Variants in RAD54B observed in about 807,000 individuals in gnomAD.
RAD54B encodes the protein RAD54 homolog B.
Under a neutral mutation model 95.8 loss-of-function variants are expected in RAD54B, and 78 were observed. That is an observed-to-expected ratio of 0.81 (90% CI 0.68 to 0.98). RAD54B has a LOEUF of 0.98. Ranked by LOEUF, RAD54B falls within the 50% of genes least tolerant of loss-of-function variation. The pLI, the probability that RAD54B is intolerant of heterozygous loss-of-function variation, is 0.00. For synonymous variants in RAD54B, 328 were observed against 354.9 expected, an observed-to-expected ratio of 0.92 and a Z score of 0.85; for missense variants, 957 against 1,056.6, an observed-to-expected ratio of 0.91 and a Z score of 1.31.
intron 2 of RAD54B, among the ~76,000 whole-genome samples, chr8:94,459,461 CT>C (rs1466578331): frequency 6.6e-6 from 1 of 151,804 alleles, no homozygotes; most frequent in Admixed American, 6.6e-5. Flanking sequence ...TTAAAAAGCT[CT>C]TATATTTTAG....
At chr8:94,432,444 A>G in intron 3 of RAD54B, 1 of 1,550,502 alleles carries the variant, frequency 6.4e-7, no homozygotes, top group South Asian at 1.2e-5. Flanking sequence ...AACAGAGGAA[A>G]GTGAAGGCGA....
intron 10 of RAD54B, 99 bp from the exon 11 acceptor site, chr8:94,387,258 GGCTAT>G: frequency 1.0e-6 from 1 of 1,004,824 alleles, no homozygotes; most frequent in Non-Finnish European, 1.4e-6. Flanking sequence ...GAAGATTAAC[GGCTAT>G]CTGAAAAGTC....
At chr8:94,437,680 T>TA (rs1040353342) in intron 3 of RAD54B, among the ~76,000 whole-genome samples, 1 of 152,226 alleles carries the variant, frequency 6.6e-6, no homozygotes, top group Admixed American at 6.5e-5. Flanking sequence ...TTATCATGTG[T>TA]AAAAAATCAC....
intron 8 of RAD54B, among the ~76,000 whole-genome samples, chr8:94,394,708 C>A (rs1363483051): frequency 6.6e-6 from 1 of 151,686 alleles, no homozygotes; most frequent in Non-Finnish European, 1.5e-5. Flanking sequence ...TATAATAGTG[C>A]CAAAAGAACA....
intron 8 of RAD54B, 68 bp from the exon 9 acceptor site, chr8:94,393,950 C>G (rs1811083529): frequency 4.4e-6 from 6 of 1,351,150 alleles, no homozygotes; most frequent in Admixed American, 4.9e-5. Flanking sequence ...AGGTTTATAG[C>G]AAAACCACAA....
intron 3 of RAD54B, chr8:94,431,937 C>A: frequency 4.8e-6 from 6 of 1,245,564 alleles, no homozygotes; most frequent in Non-Finnish European, 6.1e-6. Flanking sequence ...ACAATAAAAA[C>A]TATAACCATG....
intron 10 of RAD54B, 35 bp downstream of exon 10, chr8:94,391,574 T>C (rs1811021142): frequency 2.5e-6 from 4 of 1,590,156 alleles, no homozygotes; most frequent in Non-Finnish European, 3.4e-6. Context: ...AGAACCCTCA[T>C]ATCCCTGACA....
chr8:94,400,096 A>G (rs763509777), intron 7 of RAD54B, 142 bp downstream of exon 7: 10 of 684,032 alleles, frequency 1.5e-5, no homozygotes, highest in South Asian at 3.9e-5. Context: ...CATTCAGTCC[A>G]TAACAACTCA....
rs775751116 is a variant in RAD54B at position 94,380,209 on chromosome 8, T to A, written c.2183A>T (p.Asn728Ile). The A allele has an allele frequency of 8.1e-5, 130 of 1,613,292 alleles. 1 individual carries two copies. In the Admixed American group the frequency reaches 2.1e-3, roughly 26 times the overall value. The change falls in exon 12 of 15, where the codon AAC (asparagine) becomes ATC (isoleucine). Residue 728 changes from asparagine (N) to isoleucine (I), a missense_variant. By Grantham distance (149) the Asn-to-Ile change is moderately radical (BLOSUM62 -3). Coordinates refer to ENST00000336148, the MANE Select transcript of RAD54B (RefSeq NM_012415.3). ...AATTAAGTGAGATCCTCCAATGAGG[T>A]TAAGTCCTACACCACCAGCTTTTGA... ...LSSKAGGVGL[N>I]LIGGSHLILY...
intron 3 of RAD54B, among the ~76,000 whole-genome samples, chr8:94,420,667 A>C (rs1186882402): frequency 6.8e-6 from 1 of 147,240 alleles, no homozygotes; most frequent in African/African-American, 2.5e-5. Context: ...CATGTATTGC[A>C]GGAAGAAACA....
intron 10 of RAD54B, among the ~76,000 whole-genome samples, chr8:94,389,505 T>C (rs1413617434): frequency 2.0e-5 from 3 of 152,198 alleles, no homozygotes; most frequent in South Asian, 2.1e-4. Flanking sequence ...ATCTCCATCA[T>C]AGAGATTTAC....
rs1415312349 is a variant in RAD54B at position 94,467,570 on chromosome 8, A to G, written c.-16-15T>C. 5 of 1,594,958 alleles carry G rather than the reference A, an allele frequency of 3.1e-6. No homozygotes were observed. Among genetic ancestry groups the G allele is most frequent in the Non-Finnish European group, 4.3e-6 (5 of 1,174,482 alleles). Reference sequence around the variant, plus strand: ...GCAGTCGTGACCTGAAAAATACCCAAAACAGTTAACTATCCACGAATCTAA... The same window carrying G: ...GCAGTCGTGACCTGAAAAATACCCAGAACAGTTAACTATCCACGAATCTAA... On this transcript the variant is annotated splice_polypyrimidine_tract_variant and intron_variant, in intron 1 of 14. Coordinates refer to ENST00000336148, the MANE Select transcript of RAD54B (RefSeq NM_012415.3).
chr8:94,417,854 T>C (rs1253820866), intron 3 of RAD54B, among the ~76,000 whole-genome samples: 1 of 152,220 alleles, frequency 6.6e-6, no homozygotes, highest in Non-Finnish European at 1.5e-5. Flanking sequence ...CTTCAACCAG[T>C]AAATTATACT....
At chr8:94,429,606 T>C in intron 3 of RAD54B, 9 of 983,248 alleles carry the variant, frequency 9.2e-6, no homozygotes, top group Non-Finnish European at 1.1e-5. Flanking sequence ...ACTGCCAAGA[T>C]GTGTTTACTA....
intron 2 of RAD54B, among the ~76,000 whole-genome samples, chr8:94,459,198 T>G (rs767346561): frequency 5.6e-4 from 85 of 152,070 alleles, no homozygotes; most frequent in Non-Finnish European, 1.1e-3. Flanking sequence ...GTACCCAGGC[T>G]GAAGAGTGCA....
intron 3 of RAD54B, among the ~76,000 whole-genome samples, chr8:94,453,113 T>C (rs1812704518): frequency 2.0e-5 from 3 of 152,224 alleles, no homozygotes; most frequent in Admixed American, 2.0e-4. Context: ...GTATATATTA[T>C]ATAGATATTT....
chr8:94,465,793 T>C (rs1813011312), intron 2 of RAD54B, among the ~76,000 whole-genome samples: 1 of 152,214 alleles, frequency 6.6e-6, no homozygotes, highest in East Asian at 1.9e-4. Context: ...TGGATAAACA[T>C]AATGTGGTAA....
chr8:94,455,774 G>C (rs887434792), intron 3 of RAD54B, among the ~76,000 whole-genome samples: 5 of 152,196 alleles, frequency 3.3e-5, no homozygotes, highest in Non-Finnish European at 7.4e-5. Context: ...AGCAATCATG[G>C]GTGGTTATTC....
In RAD54B at chr8:94,391,619, T is replaced by G. The variant is rs113116729; in HGVS notation, c.1799A>C (p.Asn600Thr). 5.0e-6 allele frequency: 8 copies of G among 1,613,104 alleles called. No individual in the cohort carries two copies. Among genetic ancestry groups the G allele is most frequent in the East Asian group, 2.2e-5 (1 of 44,850 alleles). Residue 600 changes from asparagine (N) to threonine (T), a missense_variant, in exon 10 of 15, where the codon AAC becomes ACC. Transcript: ENST00000336148. ...ATACTATGCACTTACCTTTATAGAG[T>G]TGAACAAAAGGCAGGGGTGATTGCA... ...KLCNHPCLLFNSIKEKECSST... is the reference protein window; with the variant it reads ...KLCNHPCLLFTSIKEKECSST...
Sources: allele counts gnomAD v4.1 joint callset (sites outside exome capture counted in the v4.1 genomes callset), GRCh38; gene constraint gnomAD v4.1.1; transcripts MANE v1.5; gene names NCBI Gene and HGNC (gene_info 2026-07-23, HGNC 2026-07-21).